Variants in ARID1B observed in about 807,000 individuals in gnomAD.
ARID1B encodes the protein AT-rich interactive domain-containing protein 1B.
Under a neutral mutation model 212.3 loss-of-function variants are expected in ARID1B, and 30 were observed. The observed-to-expected ratio is 0.14, with a 90% CI of 0.11 to 0.19. The LOEUF (loss-of-function observed/expected upper bound fraction) is 0.19. ARID1B is among the 10% of genes least tolerant of loss of function. The pLI, the probability that ARID1B is intolerant of heterozygous loss-of-function variation, is 1.00. For missense variants in ARID1B, 2,891 were observed against 3,204.0 expected, an observed-to-expected ratio of 0.90 and a Z score of 2.36; for synonymous variants, 1,402 against 1,301.7, an observed-to-expected ratio of 1.08 and a Z score of -1.66.
intron 4 of ARID1B, among the ~76,000 whole-genome samples, chr6:156,954,479 T>G (rs1263441764): frequency 6.6e-6 from 1 of 152,208 alleles, no homozygotes; most frequent in Non-Finnish European, 1.5e-5. Flanking sequence ...GTCTTTAGAA[T>G]AAAGATGAAT....
intron 1 of ARID1B, among the ~76,000 whole-genome samples, chr6:156,792,399 T>C (rs950676260): frequency 6.6e-6 from 1 of 151,944 alleles, no homozygotes; most frequent in African/African-American, 2.4e-5. Flanking sequence ...AGGCCAGGAG[T>C]CCAAGACCAG....
chr6:156,883,355 T>C (rs1302696571), intron 2 of ARID1B, among the ~76,000 whole-genome samples: 1 of 152,182 alleles, frequency 6.6e-6, no homozygotes, highest in East Asian at 1.9e-4. Flanking sequence ...TCCAGGGACT[T>C]GGTGATCTGA....
At chr6:157,165,161 T>C (rs1791236450) in intron 8 of ARID1B, among the ~76,000 whole-genome samples, 1 of 152,238 alleles carries the variant, frequency 6.6e-6, no homozygotes, top group South Asian at 2.1e-4. Context: ...ATTGTGTGCA[T>C]GAGTATGTGA....
chr6:157,036,846 G>T (rs1269419894), intron 4 of ARID1B: 1 of 501,496 alleles, frequency 2.0e-6, no homozygotes, highest in Admixed American at 2.3e-5. Context: ...TTGAAGTCTT[G>T]GCCTCGGAGG....
chr6:157,205,029 G>A (rs1794350673), intron 19 of ARID1B: 1 of 152,192 alleles, frequency 6.6e-6, no homozygotes, highest in African/African-American at 2.4e-5. Flanking sequence ...TTTAAAAACT[G>A]TATACTGCAT....
chr6:156,788,092 G>C (rs1403013129), intron 1 of ARID1B, among the ~76,000 whole-genome samples: 1 of 151,984 alleles, frequency 6.6e-6, no homozygotes, highest in South Asian at 2.1e-4. Flanking sequence ...GCTGACTCAG[G>C]ACAAGCCCTT....
At chr6:157,202,457 A>G (rs1794172280) in intron 18 of ARID1B, among the ~76,000 whole-genome samples, 2 of 152,178 alleles carry the variant, frequency 1.3e-5, no homozygotes, top group Admixed American at 1.3e-4. Flanking sequence ...AGACCAGGGC[A>G]GGAGAATCAC....
intron 4 of ARID1B, among the ~76,000 whole-genome samples, chr6:157,016,654 A>G (rs543404574): frequency 1.2e-3 from 176 of 152,272 alleles, no homozygotes; most frequent in African/African-American, 4.0e-3. Context: ...TGGCCCTGCA[A>G]TGGAGTGGCA....
intron 3 of ARID1B, among the ~76,000 whole-genome samples, chr6:156,911,081 CA>C (rs2128225873): frequency 6.6e-6 from 1 of 152,300 alleles, no homozygotes; most frequent in African/African-American, 2.4e-5. Context: ...GTGAACTTGA[CA>C]GCTACAAAAT....
At chr6:157,069,246 A>G (rs1783867036) in intron 4 of ARID1B, among the ~76,000 whole-genome samples, 1 of 152,104 alleles carries the variant, frequency 6.6e-6, no homozygotes, top group Non-Finnish European at 1.5e-5. Flanking sequence ...AGCTCCATTT[A>G]TTTTTTATAT....
At chr6:157,004,902 T>TTTTG (rs1779136514) in intron 4 of ARID1B, among the ~76,000 whole-genome samples, 1 of 84,798 alleles carries the variant, frequency 1.2e-5, no homozygotes, top group Non-Finnish European at 2.4e-5. Context: ...TTTTTCTTTT[T>TTTTG]TTTTTTTTTT....
chr6:156,905,248 A>ACGCG (rs1023678401), intron 3 of ARID1B, among the ~76,000 whole-genome samples: 13 of 135,106 alleles, frequency 9.6e-5, no homozygotes, highest in African/African-American at 3.5e-4. Context: ...TCACATATGC[A>ACGCG]CGCACACACA....
At chr6:156,997,179 C>A (rs1368174782) in intron 4 of ARID1B, among the ~76,000 whole-genome samples, 1 of 152,106 alleles carries the variant, frequency 6.6e-6, no homozygotes, top group Non-Finnish European at 1.5e-5. Flanking sequence ...TGTGATTTAC[C>A]ATGCATGTTA....
chr6:157,129,712 A>G (rs534335400), intron 6 of ARID1B, among the ~76,000 whole-genome samples: 1 of 152,298 alleles, frequency 6.6e-6, no homozygotes, highest in South Asian at 2.1e-4. Flanking sequence ...TTTATGTGAA[A>G]TGCCAGTGAC....
intron 6 of ARID1B, chr6:157,110,885 C>T (rs1786857644): frequency 5.4e-6 from 2 of 370,734 alleles, no homozygotes; most frequent in Non-Finnish European, 1.0e-5. Flanking sequence ...AATGACTCAA[C>T]TAGGGTATCA....
intron 4 of ARID1B, chr6:156,942,251 GGAT>G (rs1792729820): frequency 1.3e-5 from 2 of 152,196 alleles, no homozygotes. Context: ...AGAAGGATAA[GGAT>G]GATCTATAGT....
chr6:157,125,515 C>G (rs1788075036), intron 6 of ARID1B, among the ~76,000 whole-genome samples: 1 of 152,192 alleles, frequency 6.6e-6, no homozygotes, highest in Non-Finnish European at 1.5e-5. Context: ...GGATGACACC[C>G]ACTGGTTGCA....
intron 4 of ARID1B, among the ~76,000 whole-genome samples, chr6:157,050,801 T>C (rs148115605): frequency 3.1e-4 from 47 of 152,360 alleles, no homozygotes; most frequent in African/African-American, 1.1e-3. Context: ...TGATGTGCTA[T>C]GTAATAGTAT....
chr6:157,176,217 C>T (rs1054173298), intron 11 of ARID1B, among the ~76,000 whole-genome samples: 3 of 152,128 alleles, frequency 2.0e-5, no homozygotes, highest in East Asian at 1.9e-4. Context: ...TTGCAGCACC[C>T]GTGATGAAAG....
Sources: gnomAD v4.1 joint callset for allele counts (sites outside exome capture counted in the v4.1 genomes callset) on GRCh38, gnomAD v4.1.1 for gene constraint, MANE v1.5 for transcripts, NCBI Gene and HGNC (gene_info 2026-07-23, HGNC 2026-07-21) for gene names.